GRM7: variants seen among roughly 807,000 people sequenced by gnomAD.
The protein encoded by GRM7 is glutamate metabotropic receptor 7.
A neutral mutation model predicts 84.5 loss-of-function variants in GRM7; 35 were observed. The ratio of observed to expected loss-of-function variants is 0.41; its 90% confidence interval spans 0.32 to 0.55. GRM7 has a LOEUF of 0.55. GRM7 is among the 20% of genes least tolerant of loss of function. GRM7 has a pLI of 0.19. For synonymous variants in GRM7, 487 were observed against 455.1 expected, an observed-to-expected ratio of 1.07 and a Z score of -0.89; for missense variants, 1,003 against 1,194.6, an observed-to-expected ratio of 0.84 and a Z score of 2.36.
At chr3:7,252,661 C>CTATT in intron 2 of GRM7, among the ~76,000 whole-genome samples, 1 of 25,398 alleles carries the variant, frequency 3.9e-5, no homozygotes, top group Non-Finnish European at 1.0e-4. Context: ...TTTCTCTTTT[C>CTATT]TATTTTTTTC....
At chr3:7,117,342 G>A (rs1224365702) in intron 1 of GRM7, among the ~76,000 whole-genome samples, 1 of 152,112 alleles carries the variant, frequency 6.6e-6, no homozygotes, top group African/African-American at 2.4e-5. Context: ...AATAATACAG[G>A]TCTTGCCTAA....
At chr3:7,111,235 G>A (rs1234676600) in intron 1 of GRM7, among the ~76,000 whole-genome samples, 6 of 152,118 alleles carry the variant, frequency 3.9e-5, no homozygotes, top group African/African-American at 1.2e-4. Flanking sequence ...AAATTAGGAT[G>A]TTAAGCAGGA....
intron 4 of GRM7, among the ~76,000 whole-genome samples, chr3:7,329,489 C>T (rs148189668): frequency 7.2e-5 from 11 of 152,260 alleles, no homozygotes; most frequent in Non-Finnish European, 1.5e-4. Flanking sequence ...TGATGGGCTG[C>T]ACTTCTCCTT....
rs79404418 is a variant in GRM7 at position 7,631,807 on chromosome 3, A to G, written c.2452-48242A>G. On this transcript the variant is annotated intron_variant, in intron 8 of 9. Transcript: ENST00000357716. ...GTTCCCCAGGGTGAGAATAGGGTCA[A>G]AATTGCCCTGGGTTGACCTAGGCCG... 5.1e-3 allele frequency among the ~76,000 whole-genome samples: 769 copies of G among 152,232 alleles called. 16 individuals are homozygous for G. In the East Asian group the frequency reaches 0.074, roughly 15 times the overall value.
chr3:7,131,562 T>C (rs1693599690), intron 1 of GRM7, among the ~76,000 whole-genome samples: 1 of 152,190 alleles, frequency 6.6e-6, no homozygotes. Context: ...CACTGAAACC[T>C]CTGCCTCTCA....
rs114937053 is a variant in GRM7 at position 7,190,352 on chromosome 3, T to C, written c.736+43684T>C. Among the ~76,000 whole-genome samples the C allele has an allele frequency of 1.1e-3, 164 of 152,264 alleles. 1 individual carries two copies. Among genetic ancestry groups the C allele is most frequent in the African/African-American group, 3.9e-3 (161 of 41,564 alleles). On this transcript the variant is annotated intron_variant, in intron 2 of 9. Coordinates refer to ENST00000357716, the MANE Select transcript of GRM7 (RefSeq NM_000844.4). ...AGTTATTCTCAGCGTACAGTGTTTCTTCTGGTAATGTGCCCAAACGGATGT... is the reference window on the plus strand; with the variant it reads ...AGTTATTCTCAGCGTACAGTGTTTCCTCTGGTAATGTGCCCAAACGGATGT...
chr3:7,700,236 C>G (rs949155727), intron 9 of GRM7, among the ~76,000 whole-genome samples: 1 of 152,168 alleles, frequency 6.6e-6, no homozygotes, highest in African/African-American at 2.4e-5. Context: ...AAGTCAGAAA[C>G]CTGCCTCCCT....
intron 4 of GRM7, among the ~76,000 whole-genome samples, chr3:7,327,759 A>T (rs1701043292): frequency 6.6e-6 from 1 of 152,160 alleles, no homozygotes; most frequent in Admixed American, 6.5e-5. Flanking sequence ...GTGGGAAGAG[A>T]TGTCATAATA....
chr3:6,970,874 C>G (rs1041770685), intron 1 of GRM7, among the ~76,000 whole-genome samples: 1 of 151,878 alleles, frequency 6.6e-6, no homozygotes, highest in African/African-American at 2.4e-5. Flanking sequence ...CCCAGCTACT[C>G]GGGAGGCTGA....
intron 9 of GRM7, among the ~76,000 whole-genome samples, chr3:7,714,427 A>C (rs902960544): frequency 5.3e-5 from 8 of 152,208 alleles, no homozygotes; most frequent in African/African-American, 1.9e-4. Flanking sequence ...GAACTTGACA[A>C]AGACGTGAAT....
At chr3:6,884,128 C>A (rs12487836) in intron 1 of GRM7, 14,457 of 152,660 alleles carry the variant, frequency 0.095, 771 homozygotes, top group Non-Finnish European at 0.12. Flanking sequence ...CTATTCAGTA[C>A]AATGAATGAA....
chr3:7,720,640 T>C (rs1459980619), intron 9 of GRM7, among the ~76,000 whole-genome samples: 1 of 152,180 alleles, frequency 6.6e-6, no homozygotes, highest in Non-Finnish European at 1.5e-5. Flanking sequence ...CTGCAACAAC[T>C]TGAACATTCA....
At chr3:6,977,718 C>T (rs990947940) in intron 1 of GRM7, among the ~76,000 whole-genome samples, 12 of 152,124 alleles carry the variant, frequency 7.9e-5, no homozygotes, top group African/African-American at 2.9e-4. Context: ...ACAGAGGAGA[C>T]ATTAATAACA....
chr3:7,404,270 C>T (rs1179299110), intron 4 of GRM7, among the ~76,000 whole-genome samples: 1 of 152,100 alleles, frequency 6.6e-6, no homozygotes, highest in African/African-American at 2.4e-5. Flanking sequence ...TGTAGGTAGG[C>T]ATCAGGTCTT....
At chr3:7,283,201 G>A (rs1249636182) in intron 2 of GRM7, among the ~76,000 whole-genome samples, 1 of 152,100 alleles carries the variant, frequency 6.6e-6, no homozygotes, top group African/African-American at 2.4e-5. Context: ...GCTGGCACTG[G>A]ACACTTCCCA....
At chr3:7,177,133 A>G (rs1273630479) in intron 2 of GRM7, among the ~76,000 whole-genome samples, 1 of 151,982 alleles carries the variant, frequency 6.6e-6, no homozygotes, top group Non-Finnish European at 1.5e-5. Flanking sequence ...TTTTTTTTTA[A>G]ACCAAAGTAT....
At position 7,661,624 on chromosome 3, in the gene GRM7, C is replaced by A. The variant is rs1369191829; in HGVS notation, c.2452-18425C>A. The stretch of plus-strand genomic sequence containing the variant: ...CCTGGCTTACACGGTGAAACCCCGT[C>A]TCTACTAAAAATACAAAAAATTAGC... On this transcript the variant is annotated intron_variant, in intron 8 of 9. Coordinates refer to ENST00000357716, the MANE Select transcript of GRM7 (RefSeq NM_000844.4). Among the ~76,000 whole-genome samples the A allele has an allele frequency of 4.6e-5, 7 of 151,626 alleles. No individual in the cohort carries two copies. The South Asian group carries it at 1.0e-3, about 23-fold the overall frequency.
chr3:7,453,399 G>A (rs941647559), intron 6 of GRM7, among the ~76,000 whole-genome samples: 4 of 152,092 alleles, frequency 2.6e-5, no homozygotes, highest in African/African-American at 9.7e-5. Flanking sequence ...ACCCTAGGTT[G>A]TTTTGTCTGG....
intron 1 of GRM7, among the ~76,000 whole-genome samples, chr3:6,929,916 G>A (rs757954102): frequency 2.0e-5 from 3 of 152,100 alleles, no homozygotes; most frequent in Admixed American, 6.6e-5. Flanking sequence ...CTTCTCCTCC[G>A]GAGATCAATA....
Sources: allele counts gnomAD v4.1 joint callset (sites outside exome capture counted in the v4.1 genomes callset), GRCh38; gene constraint gnomAD v4.1.1; transcripts MANE v1.5; gene names NCBI Gene and HGNC (gene_info 2026-07-23, HGNC 2026-07-21).